SEC23B: variants seen among roughly 807,000 people sequenced by gnomAD.
The protein encoded by SEC23B is SEC23 homolog B, COPII component, also known as protein transport protein Sec23B.
In SEC23B, 77 loss-of-function variants were observed where a neutral mutation model predicts 104.3. That is an observed-to-expected ratio of 0.74 (90% confidence interval 0.61 to 0.89). SEC23B has a LOEUF of 0.89. Among genes scored for constraint, SEC23B ranks in the 40% least tolerant of loss-of-function variants. SEC23B has a pLI of 0.00. For missense variants in SEC23B, 885 were observed against 949.4 expected (o/e 0.93, Z 0.89); for synonymous variants, 338 against 332.5 (o/e 1.02, Z -0.18).
intron 4 of SEC23B, among the ~76,000 whole-genome samples, chr20:18,516,532 CT>C (rs2060028551): frequency 1.3e-5 from 1 of 77,164 alleles, no homozygotes; most frequent in Non-Finnish European, 4.0e-5. Flanking sequence ...CATTTTTGGG[CT>C]CTTTTTTTTT....
rs537824179 is a variant in SEC23B, at chr20:18,511,568, A to G, written c.221+512A>G. ...CTTTTAAATGTGGGCATTATTTGAAATGATTTTTAAACAGGTAGAGAGTGT... is the reference window on the plus strand; with the variant it reads ...CTTTTAAATGTGGGCATTATTTGAAGTGATTTTTAAACAGGTAGAGAGTGT... On this transcript the variant is annotated intron_variant, in intron 2 of 19. Transcript: ENST00000650089. 1.7e-4 allele frequency among the ~76,000 whole-genome samples: 26 copies of G among 152,072 alleles called. No individual in the cohort carries two copies. The East Asian group carries it at 5.0e-3, about 29-fold the overall frequency.
At chr20:18,539,169 G>T (rs1053124189) in intron 12 of SEC23B, among the ~76,000 whole-genome samples, 25 of 146,348 alleles carry the variant, frequency 1.7e-4, no homozygotes, top group Non-Finnish European at 3.4e-4. Flanking sequence ...CCGAGATTGC[G>T]CCACTGCACT....
chr20:18,550,363 C>T (rs1156729038), intron 16 of SEC23B, among the ~76,000 whole-genome samples: 1 of 152,032 alleles, frequency 6.6e-6, no homozygotes, highest in East Asian at 1.9e-4. Flanking sequence ...TGCCATGTTG[C>T]CCAGGCTGGC....
At chr20:18,538,199 C>G (rs762605022) in intron 12 of SEC23B, among the ~76,000 whole-genome samples, 6 of 151,476 alleles carry the variant, frequency 4.0e-5, no homozygotes, top group Non-Finnish European at 8.8e-5. Context: ...CCTCAGCTCC[C>G]AAAGTGTTGG....
chr20:18,537,870 TG>T (rs2060250874), intron 12 of SEC23B, among the ~76,000 whole-genome samples: 1 of 152,154 alleles, frequency 6.6e-6, no homozygotes, highest in South Asian at 2.1e-4. Context: ...CTTACATTGA[TG>T]TTGTTGGCTG....
chr20:18,540,844 A>G (rs985555367), intron 12 of SEC23B, among the ~76,000 whole-genome samples: 3 of 152,210 alleles, frequency 2.0e-5, no homozygotes, highest in South Asian at 2.1e-4. Flanking sequence ...TGACAGAGCA[A>G]GAACCTGTCT....
chr20:18,523,579 T>C (rs1249192536), intron 4 of SEC23B, among the ~76,000 whole-genome samples: 1 of 151,618 alleles, frequency 6.6e-6, no homozygotes, highest in East Asian at 2.0e-4. Flanking sequence ...ATTTTTGTAT[T>C]TTTAGTACAG....
intron 4 of SEC23B, among the ~76,000 whole-genome samples, chr20:18,518,582 G>GTTTTTTGTTTTTT (rs2060052910): frequency 1.1e-5 from 1 of 92,658 alleles, no homozygotes; most frequent in Non-Finnish European, 2.0e-5. Context: ...CTGGAAGGAG[G>GTTTTTTGTTTTTT]TTTTTTTTTT....
intron 6 of SEC23B, 64 bp from the exon 7 acceptor site, chr20:18,525,724 C>T: frequency 6.5e-7 from 1 of 1,541,678 alleles, no homozygotes; most frequent in Non-Finnish European, 9.0e-7. Flanking sequence ...TTATGTGGCA[C>T]CTAGTGTTGA....
At chr20:18,536,823 T>C (rs2060236483) in intron 12 of SEC23B, among the ~76,000 whole-genome samples, 1 of 152,258 alleles carries the variant, frequency 6.6e-6, no homozygotes, top group Non-Finnish European at 1.5e-5. Context: ...TATTATGTCC[T>C]GTATTCTTAC....
intron 1 of SEC23B, among the ~76,000 whole-genome samples, chr20:18,508,458 C>CT (rs983323292): frequency 3.9e-5 from 6 of 152,172 alleles, no homozygotes; most frequent in Non-Finnish European, 7.3e-5. Flanking sequence ...CTAATTCATA[C>CT]TTTCAGTTAT....
At chr20:18,512,958 G>A (rs1433220876) in intron 3 of SEC23B, among the ~76,000 whole-genome samples, 2 of 152,126 alleles carry the variant, frequency 1.3e-5, no homozygotes, top group Non-Finnish European at 2.9e-5. Flanking sequence ...GGCTGAGGCG[G>A]GCAGATCATG....
intron 4 of SEC23B, among the ~76,000 whole-genome samples, chr20:18,524,072 C>G (rs991248216): frequency 6.6e-6 from 1 of 152,142 alleles, no homozygotes; most frequent in African/African-American, 2.4e-5. Context: ...CTGCCCTCTG[C>G]CTCTCCTCCT....
At chr20:18,554,016 C>T (rs2060411834) in intron 17 of SEC23B, among the ~76,000 whole-genome samples, 1 of 152,158 alleles carries the variant, frequency 6.6e-6, no homozygotes, top group Non-Finnish European at 1.5e-5. Flanking sequence ...GCATGAGTGA[C>T]GCCTGACATT....
rs149544727 is a variant in SEC23B, at chr20:18,530,579, G to A, written c.1110-101G>A. ...TAATCAGTGGCTCTTTTGGGGACCT[G>A]GTTTCTTTTTTTCTTTAAATTATTT... On this transcript the variant is annotated intron_variant, in intron 9 of 19. Coordinates refer to ENST00000650089, the MANE Select transcript of SEC23B (RefSeq NM_006363.6). 6,894 of 1,370,678 alleles carry A rather than the reference G, an allele frequency of 5.0e-3. 23 individuals are homozygous for A. Among genetic ancestry groups the A allele is most frequent in the Middle Eastern group, 8.3e-3 (32 of 3,840 alleles). 84.9% of individuals were successfully genotyped at this position (1,370,678 alleles called of 1,614,324 possible).
At chr20:18,559,676 G>A (rs1423507815) in intron 19 of SEC23B, among the ~76,000 whole-genome samples, 6 of 152,060 alleles carry the variant, frequency 3.9e-5, no homozygotes, top group African/African-American at 1.2e-4. Flanking sequence ...GTTTTTTGTT[G>A]TTTTGTTTTG....
intron 17 of SEC23B, among the ~76,000 whole-genome samples, chr20:18,552,805 C>T (rs1316881320): frequency 6.6e-6 from 1 of 152,102 alleles, no homozygotes; most frequent in African/African-American, 2.4e-5. Flanking sequence ...CAGAGTGAGA[C>T]TCTGTCTCAA....
At chr20:18,534,701 A>T (rs2060212956) in intron 11 of SEC23B, among the ~76,000 whole-genome samples, 2 of 152,216 alleles carry the variant, frequency 1.3e-5, no homozygotes, top group South Asian at 4.1e-4. Context: ...CTTCATGCAA[A>T]TCAGTTTATT....
rs372399857 is a variant in SEC23B at position 18,522,371 on chromosome 20, G to A, written c.367-2062G>A. Among the ~76,000 whole-genome samples, 10 of 152,322 alleles carry A rather than the reference G, an allele frequency of 6.6e-5. No individual in the cohort carries two copies. The East Asian group carries it at 1.2e-3, about 18-fold the overall frequency. ...CTGTCTTCCTGAGTCCGTGACCGGC[G>A]CGTTTTGGGTCCACGGATAAAAGGT... On this transcript the variant is annotated intron_variant, in intron 4 of 19. Coordinates refer to ENST00000650089, the MANE Select transcript of SEC23B (RefSeq NM_006363.6).
Sources: allele counts gnomAD v4.1 joint callset (sites outside exome capture counted in the v4.1 genomes callset), GRCh38; gene constraint gnomAD v4.1.1; transcripts MANE v1.5; gene names NCBI Gene and HGNC (gene_info 2026-07-23, HGNC 2026-07-21).